Variants in NRDE2 observed in about 807,000 individuals in gnomAD.
The protein encoded by NRDE2 is NRDE-2, necessary for RNA interference, domain containing.
In NRDE2, 76 loss-of-function variants were observed where a neutral mutation model predicts 124.2. The observed-to-expected ratio is 0.61, with a 90% CI of 0.51 to 0.74. The LOEUF (loss-of-function observed/expected upper bound fraction) is 0.74. Among genes scored for constraint, NRDE2 ranks in the 30% least tolerant of loss-of-function variants. The pLI, the probability that NRDE2 is intolerant of heterozygous loss-of-function variation, is 0.00. For missense variants in NRDE2, 1,314 were observed against 1,417.3 expected (o/e 0.93, Z 1.17); for synonymous variants, 489 against 528.1 (o/e 0.93, Z 1.01).
At chr14:90,313,320 G>T (rs1398274350) in intron 3 of NRDE2, among the ~76,000 whole-genome samples, 2 of 151,898 alleles carry the variant, frequency 1.3e-5, no homozygotes, top group Non-Finnish European at 2.9e-5. Flanking sequence ...TAGACATGGG[G>T]TTTCACCATG....
At chr14:90,324,456 ACT>A (rs1451372857) in intron 1 of NRDE2, among the ~76,000 whole-genome samples, 1 of 152,076 alleles carries the variant, frequency 6.6e-6, no homozygotes, top group African/African-American at 2.4e-5. Context: ...TGGGCGGATC[ACT>A]TGAGGTCAGG....
intron 3 of NRDE2, among the ~76,000 whole-genome samples, chr14:90,314,827 G>C (rs1884978406): frequency 6.6e-6 from 1 of 152,120 alleles, no homozygotes; most frequent in South Asian, 2.1e-4. Flanking sequence ...CAAAAATTCA[G>C]TCAAATTCAG....
chr14:90,278,169 C>T lies in NRDE2; in HGVS notation c.*167G>A. 1 of 708,694 alleles carries T rather than the reference C, an allele frequency of 1.4e-6. No individual in the cohort carries two copies. The allele number at this position is 708,694 out of a possible 1,614,324, so 43.9% of individuals were successfully genotyped here. A position where few individuals can be genotyped will look rare whatever the true frequency, so the allele number is the denominator to read the frequency against. Reference sequence around the variant, plus strand: ...ATAACTTTTGTGTCATTTACACACCCAAAAAGTGTGCAAGATGTGAGAGGC... The same window carrying T: ...ATAACTTTTGTGTCATTTACACACCTAAAAAGTGTGCAAGATGTGAGAGGC... On this transcript the variant is annotated 3_prime_UTR_variant, in exon 14 of 14. Transcript: ENST00000354366.
chr14:90,299,653 G>A (rs189598879), intron 7 of NRDE2, among the ~76,000 whole-genome samples: 121 of 152,270 alleles, frequency 7.9e-4, no homozygotes, highest in Admixed American at 1.9e-3. Context: ...TGCCACACAC[G>A]CCTGGAGGAG....
rs141219235 is a variant in NRDE2, at chr14:90,327,697, T to C, written c.64+4144A>G. Among the ~76,000 whole-genome samples, 17 of 152,256 alleles carry C rather than the reference T, an allele frequency of 1.1e-4. No homozygotes were observed. The East Asian group carries it at 3.1e-3, about 28-fold the overall frequency. On this transcript the variant is annotated intron_variant, in intron 1 of 13. Transcript: ENST00000354366. ...GACCCCCAACTCATTATTCTGAAACTAACGAAAGGAATGAATCAAGTATTT... is the reference window on the plus strand; with the variant it reads ...GACCCCCAACTCATTATTCTGAAACCAACGAAAGGAATGAATCAAGTATTT...
intron 6 of NRDE2, 27 bp downstream of exon 6, chr14:90,302,693 C>T (rs376312012): frequency 7.7e-5 from 119 of 1,541,456 alleles, no homozygotes; most frequent in African/African-American, 4.4e-4. Flanking sequence ...ACTCCTCCCA[C>T]GTAACTGGAT....
rs1367084898 is a variant in NRDE2 at position 90,316,804 on chromosome 14, G to A, written c.181C>T (p.Leu61=). The A allele has an allele frequency of 6.3e-7, 1 of 1,599,080 alleles. No individual in the cohort carries two copies. ...CTTTCATCTGAAGACTCTGATTTCA[G>A]ATGACTCCTGTTTGGGAAAATCAAC... is the stretch of plus-strand genomic sequence containing the variant. The part of the protein sequence containing the change: ...SEGLPLTRSH[L]KSESSDESDT... Residue 61 remains leucine (L), a synonymous_variant, in exon 3 of 14, where the codon CTG becomes TTG. Transcript: ENST00000354366.
chr14:90,305,500 C>T (rs1015364192), intron 4 of NRDE2, among the ~76,000 whole-genome samples: 1 of 152,210 alleles, frequency 6.6e-6, no homozygotes, highest in African/African-American at 2.4e-5. Context: ...TTATTCCTAA[C>T]AGCCAAACAC....
intron 12 of NRDE2, among the ~76,000 whole-genome samples, chr14:90,283,773 A>C (rs1006684799): frequency 6.7e-6 from 1 of 149,388 alleles, no homozygotes; most frequent in African/African-American, 2.5e-5. Context: ...ACAGTGGCGC[A>C]ATCTTGGCTC....
At position 90,292,770 on chromosome 14, in the gene NRDE2, C is replaced by T. The variant is rs1179328535; in HGVS notation, c.1769G>A (p.Arg590Lys). ...ATCAGGGCGCCAGGGCCGCCAGTGCCTCTGGTCACGGGAACGCTCAGCAGC... is the reference window on the plus strand; with the variant it reads ...ATCAGGGCGCCAGGGCCGCCAGTGCTTCTGGTCACGGGAACGCTCAGCAGC... ...WLAAERSRDQ[R>K]HWRPWRPDKT... The change falls in exon 9 of 14, where the codon AGG becomes AAG. Residue 590 changes from arginine to lysine, a missense_variant. By Grantham distance (26) the Arg-to-Lys change is conservative. Coordinates refer to ENST00000354366, the MANE Select transcript of NRDE2 (RefSeq NM_017970.4). 3 of 1,614,112 alleles carry T rather than the reference C, an allele frequency of 1.9e-6. No homozygotes were observed. The highest frequency in any genetic ancestry group is 2.5e-6 in the Non-Finnish European group (3 of 1,180,038).
In NRDE2 at chr14:90,276,706, C is replaced by T. The variant is rs73316783; in HGVS notation, c.*1630G>A. 6.6e-6 allele frequency: 1 copy of T among 152,202 alleles called. No homozygotes were observed. The allele number at this position is 152,202 out of a possible 1,614,324, so 9.4% of individuals were successfully genotyped here. ...CCACTGCTAAGAGCCATTCCTGGCT[C>T]TCAAGGGACAGGTTGCCACTGGGGT... On this transcript the variant is annotated 3_prime_UTR_variant, in exon 14 of 14. Coordinates refer to ENST00000354366, the MANE Select transcript of NRDE2 (RefSeq NM_017970.4).
Position 90,274,822 on chromosome 14 carries a change from A to ACACACACACAC in NRDE2, c.*3503_*3513dup, listed in dbSNP as rs1449483178. The ACACACACACAC allele has an allele frequency of 1.7e-5, 2 of 116,404 alleles. No homozygotes were observed. Among genetic ancestry groups the ACACACACACAC allele is most frequent in the African/African-American group, 7.8e-5 (2 of 25,762 alleles). The allele number at this position is 116,404 out of a possible 1,614,324, so 7.2% of individuals were successfully genotyped here. On this transcript the variant is annotated 3_prime_UTR_variant, in exon 14 of 14. Transcript: ENST00000354366. The stretch of plus-strand genomic sequence containing the variant: ...CACACACACACACACACACACACAC[A>ACACACACACAC]CACACACACACACACACCCCAATAC...
At chr14:90,318,136 G>T (rs1456835614) in intron 1 of NRDE2, 23 bp from the exon 2 acceptor site, 1 of 1,562,436 alleles carries the variant, frequency 6.4e-7, no homozygotes, top group Non-Finnish European at 8.8e-7. Flanking sequence ...AAGGAGAAAA[G>T]ATCAATGAAA....
At chr14:90,289,497 G>A (rs914843873) in intron 10 of NRDE2, among the ~76,000 whole-genome samples, 2 of 152,202 alleles carry the variant, frequency 1.3e-5, no homozygotes, top group Admixed American at 6.5e-5. Context: ...GGTGCTAAGA[G>A]AGCCAGTACT....
chr14:90,303,423 G>A (rs1020388030), intron 5 of NRDE2, among the ~76,000 whole-genome samples: 1 of 152,192 alleles, frequency 6.6e-6, no homozygotes, highest in Non-Finnish European at 1.5e-5. Context: ...CAATAAAAGG[G>A]CCAAATGTGG....
chr14:90,323,559 T>C (rs1419880070), intron 1 of NRDE2, among the ~76,000 whole-genome samples: 1 of 152,178 alleles, frequency 6.6e-6, no homozygotes, highest in Non-Finnish European at 1.5e-5. Flanking sequence ...GGAAGAAGAT[T>C]TGTTCCTTTA....
intron 4 of NRDE2, among the ~76,000 whole-genome samples, chr14:90,308,845 AG>A (rs747432859): frequency 6.6e-6 from 1 of 152,324 alleles, no homozygotes; most frequent in East Asian, 1.9e-4. Context: ...CCCCAAAGCC[AG>A]GGAACAAAAA....
At chr14:90,278,623 G>C in intron 13 of NRDE2, 162 bp from the exon 14 acceptor site, 1 of 790,398 alleles carries the variant, frequency 1.3e-6, no homozygotes, top group East Asian at 2.7e-5. Context: ...GGCAGCACTG[G>C]GCATGTTCAG....
In NRDE2 at chr14:90,290,440, T is replaced by A. The variant is rs1432274143; in HGVS notation, c.2010A>T (p.Gly670=). Residue 670 remains glycine, a synonymous_variant, in exon 10 of 14, where the codon GGA becomes GGT. Transcript: ENST00000354366. ...AMDENSIFDN[G]LYDEKPLTFF... ...AAGTCAAGGGCTTTTCATCATAAAGTCCATTATCAAAGATGCTGTTCTCAT... is the reference window on the plus strand; with the variant it reads ...AAGTCAAGGGCTTTTCATCATAAAGACCATTATCAAAGATGCTGTTCTCAT... The A allele has an allele frequency of 1.9e-6, 3 of 1,613,758 alleles. No homozygotes were observed. In the African/African-American group the frequency reaches 4.0e-5, roughly 22 times the overall value.
Sources: gnomAD v4.1 joint callset for allele counts (sites outside exome capture counted in the v4.1 genomes callset) on GRCh38, gnomAD v4.1.1 for gene constraint, MANE v1.5 for transcripts, NCBI Gene and HGNC (gene_info 2026-07-23, HGNC 2026-07-21) for gene names.